NUP133: variants seen among roughly 807,000 people sequenced by gnomAD.
NUP133 encodes the protein nuclear pore complex protein Nup133.
A neutral mutation model predicts 146.2 loss-of-function variants in NUP133; 66 were observed. That is an observed-to-expected ratio of 0.45 (90% CI 0.37 to 0.55). NUP133 has a LOEUF of 0.55. Ranked by LOEUF, NUP133 falls within the 20% of genes least tolerant of loss-of-function variation. NUP133 has a pLI of 0.00. For missense variants in NUP133, 1,277 were observed against 1,374.8 expected, an observed-to-expected ratio of 0.93 and a Z score of 1.12; for synonymous variants, 521 against 498.8, an observed-to-expected ratio of 1.04 and a Z score of -0.59.
rs1661816154 is a variant in NUP133, at chr1:229,502,129, T to C, written c.302-27A>G. On this transcript the variant is annotated intron_variant, in intron 2 of 25. Coordinates refer to ENST00000261396, the MANE Select transcript of NUP133 (RefSeq NM_018230.3). ...TAAAGGAAAAAATGAGGTGGGTGATTAATCTTATAGTATAAATCTTTATTA... is the reference window on the plus strand; with the variant it reads ...TAAAGGAAAAAATGAGGTGGGTGATCAATCTTATAGTATAAATCTTTATTA... 4 of 1,529,856 alleles carry C rather than the reference T, an allele frequency of 2.6e-6. No individual in the cohort carries two copies. In the East Asian group the frequency reaches 9.0e-5, roughly 34 times the overall value. 94.8% of individuals were successfully genotyped at this position (1,529,856 alleles called of 1,614,324 possible).
chr1:229,499,555 G>A, intron 5 of NUP133, 129 bp downstream of exon 5: 1 of 958,208 alleles, frequency 1.0e-6, no homozygotes, highest in Admixed American at 2.7e-5. Flanking sequence ...TATTGCTTGA[G>A]CCCAGGAGTT....
At chr1:229,487,796 T>G (rs572302809) in intron 9 of NUP133, among the ~76,000 whole-genome samples, 183 bp from the exon 10 acceptor site, 1 of 151,904 alleles carries the variant, frequency 6.6e-6, no homozygotes, top group African/African-American at 2.4e-5. Context: ...AAACATCAAT[T>G]AGACATATAT....
intron 11 of NUP133, 122 bp from the exon 12 acceptor site, chr1:229,484,267 G>T: frequency 1.6e-6 from 1 of 624,420 alleles, no homozygotes; most frequent in Non-Finnish European, 2.8e-6. Context: ...TTGCCGTATT[G>T]TCTGTACCAG....
chr1:229,505,963 CAT>C, intron 2 of NUP133, 75 bp downstream of exon 2: 1 of 833,732 alleles, frequency 1.2e-6, no homozygotes, highest in Non-Finnish European at 2.0e-6. Flanking sequence ...CTAGAGAAAA[CAT>C]AAATTTAATC....
chr1:229,467,389 A>G (rs991352964), intron 15 of NUP133, among the ~76,000 whole-genome samples: 2 of 152,238 alleles, frequency 1.3e-5, no homozygotes, highest in African/African-American at 4.8e-5. Flanking sequence ...ACTCAGAGAT[A>G]AGAGGAAAGA....
chr1:229,441,271 C>T lies in NUP133; in HGVS notation c.*633G>A. The T allele has an allele frequency of 5.4e-6, 2 of 368,752 alleles. No individual in the cohort carries two copies. The highest frequency in any genetic ancestry group is 6.7e-5 in the Admixed American group (2 of 29,688). The allele number at this position is 368,752 out of a possible 1,614,324, so 22.8% of individuals were successfully genotyped here. A position where few individuals can be genotyped will look rare whatever the true frequency, so the allele number is the denominator to read the frequency against. ...AGTAATTTCTAGATAGGTTAGAAAA[C>T]CACATAAACGTTTCATTCACTAAAA... On this transcript the variant is annotated 3_prime_UTR_variant, in exon 26 of 26. Transcript: ENST00000261396.
intron 5 of NUP133, among the ~76,000 whole-genome samples, chr1:229,498,693 T>C (rs1398916055): frequency 6.6e-6 from 1 of 151,592 alleles, no homozygotes; most frequent in Non-Finnish European, 1.5e-5. Flanking sequence ...GAGGCAGAGG[T>C]TGCAGTGAGC....
At chr1:229,460,276 G>C (rs938049998) in intron 20 of NUP133, among the ~76,000 whole-genome samples, 3 of 152,134 alleles carry the variant, frequency 2.0e-5, no homozygotes, top group African/African-American at 7.2e-5. Context: ...GCTCACTGCA[G>C]CCTCAACCTC....
intron 24 of NUP133, among the ~76,000 whole-genome samples, chr1:229,447,434 C>T (rs1375396872): frequency 2.0e-5 from 3 of 151,610 alleles, no homozygotes; most frequent in Admixed American, 2.0e-4. Flanking sequence ...TCCTGCTTTG[C>T]AACTCCTAAA....
At chr1:229,502,363 T>C (rs1230839769) in intron 2 of NUP133, among the ~76,000 whole-genome samples, 1 of 151,274 alleles carries the variant, frequency 6.6e-6, no homozygotes, top group Non-Finnish European at 1.5e-5. Context: ...ATCGAGACCA[T>C]CCTGGCTAAC....
Position 229,441,575 on chromosome 1 carries a change from GA to G in NUP133, c.*328del. 2.3e-6 allele frequency: 1 copy of G among 435,238 alleles called. No individual in the cohort carries two copies. Among genetic ancestry groups the G allele is most frequent in the Non-Finnish European group, 4.6e-6 (1 of 215,070 alleles). The allele number at this position is 435,238 out of a possible 1,614,324, so 27.0% of individuals were successfully genotyped here. On this transcript the variant is annotated 3_prime_UTR_variant, in exon 26 of 26. Coordinates refer to ENST00000261396, the MANE Select transcript of NUP133 (RefSeq NM_018230.3). ...CAATCTAGTAATTTTCATAGTCGCA[GA>G]AACTGAGGCCTAGAAGTGATTTGTA... is the stretch of plus-strand genomic sequence containing the variant.
At chr1:229,477,030 C>T (rs1345729253) in intron 13 of NUP133, among the ~76,000 whole-genome samples, 1 of 151,768 alleles carries the variant, frequency 6.6e-6, no homozygotes, top group African/African-American at 2.4e-5. Flanking sequence ...GCCAGGAAAG[C>T]TAAGTAAGGC....
intron 16 of NUP133, among the ~76,000 whole-genome samples, chr1:229,465,753 C>T (rs769785154): frequency 6.6e-6 from 1 of 151,794 alleles, no homozygotes; most frequent in Non-Finnish European, 1.5e-5. Flanking sequence ...ACCTGGGCAT[C>T]GTGGCGTGCA....
intron 6 of NUP133, among the ~76,000 whole-genome samples, chr1:229,496,908 A>C (rs1661669545): frequency 6.6e-6 from 1 of 152,256 alleles, no homozygotes; most frequent in Non-Finnish European, 1.5e-5. Context: ...GTAGCAAGCA[A>C]GGGAGATATT....
chr1:229,504,405 T>C (rs1382498720), intron 2 of NUP133, among the ~76,000 whole-genome samples: 1 of 152,186 alleles, frequency 6.6e-6, no homozygotes, highest in Non-Finnish European at 1.5e-5. Context: ...CTTCAGCAGA[T>C]ATTAAGGCTG....
Position 229,465,516 on chromosome 1 carries a change from T to G in NUP133, c.2203A>C (p.Met735Leu). ...CGATAATGACTAGCAGCCTGCAGCA[T>G]ATCCTGGAAAAAAAGTTAATGTGTT... ...VINVNNILKDMLQAASHYRQN... is the reference protein window; with the variant it reads ...VINVNNILKDLLQAASHYRQN... The change falls in exon 17 of 26, where the codon ATG (methionine) becomes CTG (leucine). Residue 735 changes from methionine to leucine, a missense_variant. Met to Leu is a conservative substitution (Grantham distance 15). Transcript: ENST00000261396. The G allele has an allele frequency of 6.2e-7, 1 of 1,612,086 alleles. No homozygotes were observed. Among genetic ancestry groups the G allele is most frequent in the Non-Finnish European group, 8.5e-7 (1 of 1,178,500 alleles).
At chr1:229,481,037 GCAC>G (rs1661199404) in intron 12 of NUP133, among the ~76,000 whole-genome samples, 1 of 151,912 alleles carries the variant, frequency 6.6e-6, no homozygotes, top group South Asian at 2.1e-4. Context: ...AGCTTTAAAG[GCAC>G]CACAATTCTG....
intron 10 of NUP133, among the ~76,000 whole-genome samples, chr1:229,486,903 GAAAAAAAAAAA>G (rs572081486): frequency 8.7e-6 from 1 of 115,124 alleles, no homozygotes; most frequent in African/African-American, 3.3e-5. Flanking sequence ...ATGGGGACTG[GAAAAAAAAAAA>G]AAAAAAAAAG....
chr1:229,486,148 C>G (rs554207796), intron 11 of NUP133, among the ~76,000 whole-genome samples: 46 of 152,040 alleles, frequency 3.0e-4, no homozygotes, highest in Non-Finnish European at 5.7e-4. Context: ...GCCTGGGCAA[C>G]AGAGTGAGAC....
Sources: gnomAD v4.1 joint callset for allele counts (sites outside exome capture counted in the v4.1 genomes callset) on GRCh38, gnomAD v4.1.1 for gene constraint, MANE v1.5 for transcripts, NCBI Gene and HGNC (gene_info 2026-07-23, HGNC 2026-07-21) for gene names.